The following RBFOX1 variants were observed in gnomAD, a reference collection of about 807,000 sequenced individuals.
The protein encoded by RBFOX1 is RNA binding fox-1 homolog 1.
Under a neutral mutation model 57.7 loss-of-function variants are expected in RBFOX1, and 8 were observed. That is an observed-to-expected ratio of 0.14 (90% CI 0.08 to 0.25). RBFOX1 has a LOEUF of 0.25. Ranked by LOEUF, RBFOX1 falls within the 10% of genes least tolerant of loss-of-function variation. RBFOX1 has a pLI of 1.00. For synonymous variants in RBFOX1, 326 were observed against 222.4 expected (o/e 1.47, Z -4.15); for missense variants, 611 against 548.5 (o/e 1.11, Z -1.14).
intron 3 of RBFOX1, among the ~76,000 whole-genome samples, chr16:5,844,904 C>T (rs912804620): frequency 6.6e-6 from 1 of 152,020 alleles, no homozygotes; most frequent in African/African-American, 2.4e-5. Context: ...CCTTATTTGC[C>T]GTTAAGAACA....
At chr16:5,571,822 A>G (rs911780016) in intron 2 of RBFOX1, among the ~76,000 whole-genome samples, 5 of 152,086 alleles carry the variant, frequency 3.3e-5, no homozygotes, top group African/African-American at 1.2e-4. Context: ...CTTCTTCCAA[A>G]TATAGTCTTT....
chr16:6,046,914 C>G (rs891505138), intron 1 of RBFOX1, among the ~76,000 whole-genome samples: 16 of 152,034 alleles, frequency 1.1e-4, no homozygotes, highest in Non-Finnish European at 2.2e-4. Flanking sequence ...CTTGTTGGTT[C>G]CTTGGCCAGA....
At chr16:5,247,196 T>A (rs1045561793) in intron 1 of RBFOX1, among the ~76,000 whole-genome samples, 2 of 152,178 alleles carry the variant, frequency 1.3e-5, no homozygotes, top group African/African-American at 4.8e-5. Flanking sequence ...GGGAAAAGAT[T>A]CACTCTAAGT....
In RBFOX1 at chr16:7,505,355, T is replaced by C. The variant is rs927417601; in HGVS notation, c.28-12792T>C. On this transcript the variant is annotated intron_variant, in intron 4 of 15. Transcript: ENST00000550418. The stretch of plus-strand genomic sequence containing the variant: ...TAATGTCATACTTTGACAGAGGTTT[T>C]CAGTGGCAAGACAGGGTCCTCTGAG... 2.0e-5 allele frequency among the ~76,000 whole-genome samples: 3 copies of C among 152,254 alleles called. No individual in the cohort carries two copies. The South Asian group carries it at 6.2e-4, about 32-fold the overall frequency.
chr16:7,381,558 C>A (rs145257638), intron 4 of RBFOX1, among the ~76,000 whole-genome samples: 52 of 149,850 alleles, frequency 3.5e-4, no homozygotes, highest in African/African-American at 1.2e-3. Flanking sequence ...CATGAATATA[C>A]CCTAAAAAGA....
intron 1 of RBFOX1, among the ~76,000 whole-genome samples, chr16:6,168,139 G>A (rs1045106222): frequency 6.6e-6 from 1 of 152,182 alleles, no homozygotes; most frequent in Non-Finnish European, 1.5e-5. Context: ...TTTTCCCTCA[G>A]TGCTGATATG....
At chr16:6,926,208 GA>G (rs1452676231) in intron 3 of RBFOX1, among the ~76,000 whole-genome samples, 1 of 152,192 alleles carries the variant, frequency 6.6e-6, no homozygotes, top group East Asian at 1.9e-4. Flanking sequence ...TCCAGAGGCT[GA>G]GGCAGGAGAC....
intron 3 of RBFOX1, among the ~76,000 whole-genome samples, chr16:6,757,124 C>G (rs1286278574): frequency 7.9e-5 from 12 of 152,178 alleles, no homozygotes; most frequent in Admixed American, 5.9e-4. Flanking sequence ...ATTAGAACGA[C>G]TATTATCAAA....
chr16:6,151,127 C>T (rs960051276), intron 1 of RBFOX1, among the ~76,000 whole-genome samples: 1 of 152,138 alleles, frequency 6.6e-6, no homozygotes, highest in Non-Finnish European at 1.5e-5. Context: ...TCCATAAATA[C>T]ATATTTGCTG....
intron 1 of RBFOX1, among the ~76,000 whole-genome samples, chr16:6,217,622 G>A (rs1434334902): frequency 6.6e-6 from 1 of 152,190 alleles, no homozygotes; most frequent in Non-Finnish European, 1.5e-5. Context: ...CACTTTGCAT[G>A]TTGACGGGCT....
intron 4 of RBFOX1, among the ~76,000 whole-genome samples, chr16:5,880,441 T>C (rs1427071862): frequency 6.6e-6 from 1 of 152,210 alleles, no homozygotes; most frequent in Non-Finnish European, 1.5e-5. Context: ...ACGAGTGATG[T>C]CCAAGTTTGT....
intron 2 of RBFOX1, among the ~76,000 whole-genome samples, chr16:6,432,033 C>T (rs1435577090): frequency 6.6e-6 from 1 of 151,588 alleles, no homozygotes; most frequent in Non-Finnish European, 1.5e-5. Flanking sequence ...ACGACTATAG[C>T]TTATTGTAGC....
chr16:5,750,062 G>C (rs1392071630), intron 3 of RBFOX1, among the ~76,000 whole-genome samples: 4 of 152,240 alleles, frequency 2.6e-5, no homozygotes, highest in East Asian at 3.9e-4. Context: ...TGTCCTTTCT[G>C]TTTGTTAGTT....
At chr16:5,635,805 G>GGT (rs553302482) in intron 3 of RBFOX1, among the ~76,000 whole-genome samples, 1 of 151,724 alleles carries the variant, frequency 6.6e-6, no homozygotes, top group African/African-American at 2.4e-5. Context: ...GTAGCACTGG[G>GGT]TTTTTTTTGG....
At chr16:5,756,092 T>C (rs1363243516) in intron 3 of RBFOX1, among the ~76,000 whole-genome samples, 1 of 152,022 alleles carries the variant, frequency 6.6e-6, no homozygotes, top group Admixed American at 6.5e-5. Context: ...GCCTTCTAAG[T>C]CAGGCACTAG....
rs572106334 is a variant in RBFOX1 at position 5,686,794 on chromosome 16, C to T, written c.318+87833C>T. On this transcript the variant is annotated intron_variant, in intron 3 of 19. Coordinates refer to the RBFOX1 transcript ENST00000641259. Reference sequence around the variant, plus strand: ...TCCAGTAGAAATTCCATTTGGCTATCAATTAGTCAGCAAAACTGCTTCTAG... The same window carrying T: ...TCCAGTAGAAATTCCATTTGGCTATTAATTAGTCAGCAAAACTGCTTCTAG... 2.0e-5 allele frequency among the ~76,000 whole-genome samples: 3 copies of T among 151,972 alleles called. No homozygotes were observed. In the South Asian group the frequency reaches 6.2e-4, roughly 32 times the overall value.
At chr16:6,214,644 GGACAGGGA>G in intron 1 of RBFOX1, among the ~76,000 whole-genome samples, 2 of 111,178 alleles carry the variant, frequency 1.8e-5, no homozygotes, top group African/African-American at 7.0e-5. Context: ...AGAGGGAGAG[GGACAGGGA>G]GAGAGGGAGA....
chr16:6,557,041 ATATACAT>A (rs879365549), intron 2 of RBFOX1, among the ~76,000 whole-genome samples: 7,972 of 145,604 alleles, frequency 0.055, 457 homozygotes, highest in African/African-American at 0.15. Context: ...ATACACATAT[ATATACAT>A]ATATATACAT....
At chr16:6,038,994 A>G (rs2095406261) in intron 1 of RBFOX1, 1 of 125,292 alleles carries the variant, frequency 8.0e-6, no homozygotes, top group African/African-American at 3.1e-5. Context: ...TGCTCTCTTC[A>G]TGTATGCTGG....
Sources: allele counts gnomAD v4.1 joint callset (sites outside exome capture counted in the v4.1 genomes callset), GRCh38; gene constraint gnomAD v4.1.1; transcripts MANE v1.5; gene names NCBI Gene and HGNC (gene_info 2026-07-23, HGNC 2026-07-21).